Variants in EYS observed in about 807,000 individuals in gnomAD.
EYS encodes EGF-like photoreceptor maintenance factor.
Under a neutral mutation model 282.1 loss-of-function variants are expected in EYS, and 250 were observed. That is an observed-to-expected ratio of 0.89 (90% CI 0.80 to 0.98). The LOEUF is 0.98. EYS is among the 50% of genes least tolerant of loss of function. The pLI is 0.00. For missense variants in EYS, 4,016 were observed against 3,709.0 expected (o/e 1.08, Z -2.15); for synonymous variants, 1,355 against 1,282.9 (o/e 1.06, Z -1.20).
At chr6:64,965,559 C>A (rs1770065374) in intron 14 of EYS, among the ~76,000 whole-genome samples, 1 of 151,790 alleles carries the variant, frequency 6.6e-6, no homozygotes, top group Non-Finnish European at 1.5e-5. Context: ...AGCAAAATGA[C>A]AAAATAAAAG....
chr6:63,942,693 A>G (rs1217568036), intron 35 of EYS, among the ~76,000 whole-genome samples: 1 of 152,220 alleles, frequency 6.6e-6, no homozygotes, highest in Admixed American at 6.5e-5. Context: ...AATTGGTACC[A>G]TATAGAAACA....
chr6:64,241,255 C>T (rs1766818291), intron 30 of EYS, among the ~76,000 whole-genome samples: 1 of 152,072 alleles, frequency 6.6e-6, no homozygotes, highest in South Asian at 2.1e-4. Context: ...TAATGCTGGC[C>T]TCATAAACGA....
chr6:65,184,803 A>G (rs1303345242), intron 12 of EYS, among the ~76,000 whole-genome samples: 2 of 151,700 alleles, frequency 1.3e-5, no homozygotes, highest in Non-Finnish European at 2.9e-5. Context: ...AAAACCTCAA[A>G]TAAATTTATA....
intron 12 of EYS, among the ~76,000 whole-genome samples, chr6:65,137,946 C>T (rs1456153113): frequency 6.6e-6 from 1 of 151,902 alleles, no homozygotes; most frequent in Non-Finnish European, 1.5e-5. Flanking sequence ...GATAATATCA[C>T]ACCTTGGGCA....
intron 5 of EYS, among the ~76,000 whole-genome samples, chr6:65,486,900 A>G (rs1318748301): frequency 6.6e-6 from 1 of 152,162 alleles, no homozygotes; most frequent in African/African-American, 2.4e-5. Flanking sequence ...CATCCCTTGT[A>G]AGTTCTTTCC....
At chr6:65,076,489 T>G (rs1774055172) in intron 12 of EYS, among the ~76,000 whole-genome samples, 1 of 152,040 alleles carries the variant, frequency 6.6e-6, no homozygotes. Flanking sequence ...AGTTTGTGAA[T>G]AGCTATCATC....
intron 19 of EYS, among the ~76,000 whole-genome samples, chr6:64,824,161 A>G (rs559027080): frequency 2.7e-4 from 41 of 152,014 alleles, no homozygotes; most frequent in African/African-American, 9.4e-4. Flanking sequence ...GTTTAAGAGG[A>G]AAAAAGACAC....
chr6:63,952,203 G>A (rs1271175321), intron 35 of EYS, among the ~76,000 whole-genome samples: 1 of 152,222 alleles, frequency 6.6e-6, no homozygotes, highest in Non-Finnish European at 1.5e-5. Context: ...TGGCCACTGG[G>A]CCAAGGAATG....
At chr6:65,454,479 C>T (rs374285926) in intron 5 of EYS, among the ~76,000 whole-genome samples, 97 of 151,530 alleles carry the variant, frequency 6.4e-4, no homozygotes, top group African/African-American at 2.1e-3. Flanking sequence ...CTAATAGTTT[C>T]CTTTTCTGTG....
intron 30 of EYS, among the ~76,000 whole-genome samples, chr6:64,302,793 T>C (rs778179672): frequency 1.1e-4 from 16 of 152,208 alleles, no homozygotes; most frequent in Admixed American, 1.3e-4. Context: ...AAAAGCACTT[T>C]GCTAAAACCT....
At chr6:65,402,679 G>C in intron 6 of EYS, 74 bp from the exon 7 acceptor site, 2 of 968,164 alleles carry the variant, frequency 2.1e-6, no homozygotes, top group Non-Finnish European at 3.2e-6. Context: ...TTCTTACCTG[G>C]AGAAGGGTTA....
At chr6:65,652,256 A>AT (rs1195162909) in intron 1 of EYS, among the ~76,000 whole-genome samples, 2 of 152,150 alleles carry the variant, frequency 1.3e-5, no homozygotes, top group Admixed American at 6.6e-5. Flanking sequence ...GAAATAATTT[A>AT]TTTTTTTGCT....
At chr6:64,671,459 G>A (rs1272858887) in intron 22 of EYS, among the ~76,000 whole-genome samples, 3 of 152,154 alleles carry the variant, frequency 2.0e-5, no homozygotes, top group African/African-American at 7.2e-5. Context: ...CTCCAGAACT[G>A]TGAGCAACAA....
chr6:65,427,902 A>G (rs1306252784), intron 5 of EYS, among the ~76,000 whole-genome samples: 1 of 152,124 alleles, frequency 6.6e-6, no homozygotes, highest in African/African-American at 2.4e-5. Flanking sequence ...AGATGATATC[A>G]AGAACATGAT....
rs188552447 is a variant in EYS at position 64,983,141 on chromosome 6, T to C, written c.2259+14441A>G. Among the ~76,000 whole-genome samples, 26 of 151,400 alleles carry C rather than the reference T, an allele frequency of 1.7e-4. 1 individual carries two copies. Among genetic ancestry groups the C allele is most frequent in the African/African-American group, 6.3e-4 (26 of 41,456 alleles). On this transcript the variant is annotated intron_variant, in intron 14 of 42. Coordinates refer to ENST00000503581, the MANE Select transcript of EYS (RefSeq NM_001142800.2). ...GATAAAGCGTTCATATTACGCATCA[T>C]CTTTTGATTTACTCATAGAGTACCA...
chr6:64,456,748 A>C (rs1206504526), intron 26 of EYS, among the ~76,000 whole-genome samples: 2 of 152,046 alleles, frequency 1.3e-5, no homozygotes, highest in East Asian at 1.9e-4. Context: ...TTACCATATT[A>C]AACAGATCTG....
At chr6:65,442,172 C>T (rs1450978826) in intron 5 of EYS, among the ~76,000 whole-genome samples, 1 of 151,808 alleles carries the variant, frequency 6.6e-6, no homozygotes, top group Non-Finnish European at 1.5e-5. Flanking sequence ...AATTAGAGTT[C>T]TTCATATATG....
At chr6:64,586,262 A>G (rs1372390729) in intron 26 of EYS, among the ~76,000 whole-genome samples, 3 of 152,110 alleles carry the variant, frequency 2.0e-5, no homozygotes, top group Non-Finnish European at 2.9e-5. Flanking sequence ...ACAGACACTC[A>G]TTGAACTTGC....
intron 41 of EYS, among the ~76,000 whole-genome samples, chr6:63,755,756 C>T (rs1339942792): frequency 1.3e-5 from 2 of 152,148 alleles, no homozygotes; most frequent in Non-Finnish European, 2.9e-5. Context: ...ATTCTTCCTA[C>T]CCATGAGCAT....
Sources: gnomAD v4.1 joint callset for allele counts (sites outside exome capture counted in the v4.1 genomes callset) on GRCh38, gnomAD v4.1.1 for gene constraint, MANE v1.5 for transcripts, NCBI Gene and HGNC (gene_info 2026-07-23, HGNC 2026-07-21) for gene names.